PCYT1A: variants seen among roughly 807,000 people sequenced by gnomAD.
The protein encoded by PCYT1A is choline-phosphate cytidylyltransferase A.
A neutral mutation model predicts 43.7 loss-of-function variants in PCYT1A; 25 were observed. That is an observed-to-expected ratio of 0.57 (90% confidence interval 0.42 to 0.80). The LOEUF is 0.80. Among genes scored for constraint, PCYT1A ranks in the 30% least tolerant of loss-of-function variants. PCYT1A has a pLI of 0.00. For missense variants in PCYT1A, 421 were observed against 474.2 expected, an observed-to-expected ratio of 0.89 and a Z score of 1.04; for synonymous variants, 172 against 170.7, an observed-to-expected ratio of 1.01 and a Z score of -0.06.
In PCYT1A at chr3:196,279,286, C is replaced by CAA. The variant is rs532624855; in HGVS notation, c.-11+8327_-11+8328dup. 3.3e-3 allele frequency among the ~76,000 whole-genome samples: 353 copies of CAA among 108,546 alleles called. 3 individuals are homozygous for CAA. The highest frequency in any genetic ancestry group is 8.7e-3 in the East Asian group (36 of 4,116). 71.2% of individuals were successfully genotyped at this position (108,546 alleles called of 152,430 possible). ...CTGGGTGACAAGAGTGAAACTCTAT[C>CAA]AAAAAAAAAAAAAAAAAGGGCTGAC... On this transcript the variant is annotated intron_variant, in intron 1 of 8. Coordinates refer to ENST00000431016, the MANE Select transcript of PCYT1A (RefSeq NM_001312673.2).
At chr3:196,286,934 G>C (rs1450639996) in intron 1 of PCYT1A, among the ~76,000 whole-genome samples, 1 of 152,160 alleles carries the variant, frequency 6.6e-6, no homozygotes, top group Non-Finnish European at 1.5e-5. Flanking sequence ...AAGAAAAAAA[G>C]TACAGGTTCC....
chr3:196,264,354 G>A (rs1376496158), intron 2 of PCYT1A, among the ~76,000 whole-genome samples: 1 of 152,164 alleles, frequency 6.6e-6, no homozygotes. Flanking sequence ...CTCCTGAAGG[G>A]CTGCGATTAC....
intron 1 of PCYT1A, among the ~76,000 whole-genome samples, chr3:196,270,838 A>G (rs1725409036): frequency 6.6e-6 from 1 of 152,160 alleles, no homozygotes; most frequent in East Asian, 1.9e-4. Flanking sequence ...TTAAATCCTG[A>G]TTGCATGCAA....
chr3:196,244,090 G>A (rs1337581823), intron 5 of PCYT1A, among the ~76,000 whole-genome samples: 1 of 147,728 alleles, frequency 6.8e-6, no homozygotes, highest in African/African-American at 2.5e-5. Flanking sequence ...GATGTGGGGA[G>A]CGCCTCTGCC....
At chr3:196,269,994 C>T (rs1211724494) in intron 2 of PCYT1A, among the ~76,000 whole-genome samples, 2 of 152,190 alleles carry the variant, frequency 1.3e-5, no homozygotes, top group African/African-American at 2.4e-5. Flanking sequence ...ATGCCTCAGC[C>T]TCCCAAGCAG....
intron 5 of PCYT1A, among the ~76,000 whole-genome samples, chr3:196,246,815 G>C (rs752665674): frequency 6.6e-6 from 1 of 152,140 alleles, no homozygotes; most frequent in African/African-American, 2.4e-5. Context: ...GGAAGGTCTC[G>C]TAACTGGTGA....
At chr3:196,280,577 T>G (rs1005264631) in intron 1 of PCYT1A, among the ~76,000 whole-genome samples, 15 of 147,886 alleles carry the variant, frequency 1.0e-4, no homozygotes, top group Admixed American at 2.0e-4. Flanking sequence ...ATTGTTTTTT[T>G]TTTTTTTTTT....
intron 3 of PCYT1A, among the ~76,000 whole-genome samples, chr3:196,257,117 T>C (rs763624326): frequency 7.2e-5 from 11 of 152,186 alleles, no homozygotes; most frequent in Admixed American, 2.0e-4. Flanking sequence ...CCTATAGGAC[T>C]TTGTATTCAT....
At chr3:196,265,769 G>C (rs917764391) in intron 2 of PCYT1A, among the ~76,000 whole-genome samples, 1 of 151,312 alleles carries the variant, frequency 6.6e-6, no homozygotes, top group Non-Finnish European at 1.5e-5. Flanking sequence ...ACGGAGTCTC[G>C]CTCTGTCGCC....
chr3:196,281,133 G>A (rs963686903), intron 1 of PCYT1A, among the ~76,000 whole-genome samples: 29 of 152,142 alleles, frequency 1.9e-4, no homozygotes, highest in Non-Finnish European at 1.2e-4. Context: ...TTCCAAAGCC[G>A]AGTGCGCAAG....
intron 8 of PCYT1A, 98 bp from the exon 9 acceptor site, chr3:196,238,992 A>G: frequency 3.1e-6 from 2 of 637,236 alleles, no homozygotes; most frequent in Non-Finnish European, 4.7e-6. Flanking sequence ...TGTACTATTT[A>G]TTTAAGGGTT....
intron 1 of PCYT1A, among the ~76,000 whole-genome samples, chr3:196,281,876 G>A (rs370522691): frequency 3.9e-5 from 6 of 152,118 alleles, no homozygotes; most frequent in African/African-American, 1.4e-4. Flanking sequence ...TTTTTGTAGA[G>A]ATGGGGGTCT....
chr3:196,246,113 T>C (rs1724562068), intron 5 of PCYT1A, among the ~76,000 whole-genome samples: 1 of 152,230 alleles, frequency 6.6e-6, no homozygotes, highest in African/African-American at 2.4e-5. Context: ...TTGGTGCCAC[T>C]GGCTGCTAGG....
chr3:196,238,609 G>C lies in PCYT1A; in HGVS notation c.*79C>G, dbSNP rs1177022726. ...TAGCTGTCCTTAGGTTTAGTGTTGG[G>C]GTCACAATTTGGAATTCAACAGAGA... is the stretch of plus-strand genomic sequence containing the variant. On this transcript the variant is annotated 3_prime_UTR_variant, in exon 9 of 9. Coordinates refer to ENST00000431016, the MANE Select transcript of PCYT1A (RefSeq NM_001312673.2). 2.1e-6 allele frequency: 2 copies of C among 963,522 alleles called. No individual in the cohort carries two copies. Among genetic ancestry groups the C allele is most frequent in the Non-Finnish European group, 3.0e-6 (2 of 661,392 alleles). 59.7% of individuals were successfully genotyped at this position (963,522 alleles called of 1,614,324 possible). A position where few individuals can be genotyped will look rare whatever the true frequency, so the allele number is the denominator to read the frequency against.
chr3:196,270,808 C>T (rs998726129), intron 1 of PCYT1A, among the ~76,000 whole-genome samples: 1 of 152,198 alleles, frequency 6.6e-6, no homozygotes, highest in Non-Finnish European at 1.5e-5. Context: ...ACAGTGCAGC[C>T]TACATACTAA....
rs1486579848 is a variant in PCYT1A, at chr3:196,237,211, T to C, written c.*1477A>G. The stretch of plus-strand genomic sequence containing the variant: ...GGGTGGGGCCTGGACATAAGCAATT[T>C]TCCCCTGGATCTAGCCACAGGATTA... On this transcript the variant is annotated 3_prime_UTR_variant, in exon 9 of 9. Coordinates refer to ENST00000431016, the MANE Select transcript of PCYT1A (RefSeq NM_001312673.2). The C allele has an allele frequency of 1.3e-5, 2 of 152,248 alleles. No individual in the cohort carries two copies. The highest frequency in any genetic ancestry group is 2.9e-5 in the Non-Finnish European group (2 of 68,044). 9.4% of individuals were successfully genotyped at this position (152,248 alleles called of 1,614,324 possible).
rs1467591016 is a variant in PCYT1A, at chr3:196,242,880, AG to A, written c.487-241del. 9 of 537,734 alleles carry A rather than the reference AG, an allele frequency of 1.7e-5. No homozygotes were observed. Among genetic ancestry groups the A allele is most frequent in the African/African-American group, 1.3e-4 (7 of 52,426 alleles). The allele number at this position is 537,734 out of a possible 1,614,324, so 33.3% of individuals were successfully genotyped here. On this transcript the variant is annotated intron_variant, in intron 5 of 8. Transcript: ENST00000431016. This position sits in a 1 kb window ranked among gnomAD's most constrained non-coding sequence, Gnocchi z 4.2. The stretch of plus-strand genomic sequence containing the variant: ...TTGTAGCTATTTCTCCTAGTCTGCT[AG>A]AACTGTTACCCTCACTCTGTATACC...
chr3:196,247,510 C>T lies in PCYT1A; in HGVS notation c.343G>A (p.Asp115Asn). Residue 115 changes from aspartate to asparagine, a missense_variant, in exon 5 of 9, where the codon GAT (aspartate) becomes AAT (asparagine). By Grantham distance (23) the Asp-to-Asn change is conservative (BLOSUM62 1). Transcript: ENST00000431016. The surrounding 1 kb of genome is among the most constrained non-coding windows in gnomAD (Gnocchi z 4.8). Reference protein sequence around the residue: ...NTYLIVGVCSDELTHNFKGFT... With the variant: ...NTYLIVGVCSNELTHNFKGFT... ...CCTTTGAAGTTGTGTGTGAGCTCAT[C>T]ACTGCAAACTGGTTCACCACATCAT... 6.2e-7 allele frequency: 1 copy of T among 1,614,156 alleles called. No individual in the cohort carries two copies.
At chr3:196,266,836 C>T (rs942137027) in intron 2 of PCYT1A, among the ~76,000 whole-genome samples, 31 of 151,854 alleles carry the variant, frequency 2.0e-4, no homozygotes, top group Middle Eastern at 3.4e-3. Context: ...GAGATCACAC[C>T]GCTGCATTCC....
Sources: allele counts gnomAD v4.1 joint callset (sites outside exome capture counted in the v4.1 genomes callset), GRCh38; gene constraint gnomAD v4.1.1; non-coding constraint Gnocchi (gnomAD v3.1); transcripts MANE v1.5; gene names NCBI Gene and HGNC (gene_info 2026-07-23, HGNC 2026-07-21).